ROCK2: variants seen among roughly 807,000 people sequenced by gnomAD.
The protein encoded by ROCK2 is Rho associated coiled-coil containing protein kinase 2, also known as rho-associated protein kinase 2.
Under a neutral mutation model 195.1 loss-of-function variants are expected in ROCK2, and 61 were observed. The ratio of observed to expected loss-of-function variants is 0.31; its 90% CI spans 0.25 to 0.39. The LOEUF is 0.39. Among genes scored for constraint, ROCK2 ranks in the 10% least tolerant of loss-of-function variants. ROCK2 has a pLI of 1.00. For missense variants in ROCK2, 1,109 were observed against 1,637.4 expected (o/e 0.68, Z 5.57); for synonymous variants, 504 against 545.5 (o/e 0.92, Z 1.06).
chr2:11,285,884 A>C (rs1384129395), intron 3 of ROCK2, among the ~76,000 whole-genome samples: 1 of 152,094 alleles, frequency 6.6e-6, no homozygotes, highest in East Asian at 1.9e-4. Flanking sequence ...AGGAAAAAAA[A>C]GTCTATCATG....
intron 6 of ROCK2, among the ~76,000 whole-genome samples, chr2:11,225,367 G>T (rs1664776163): frequency 6.6e-6 from 1 of 152,032 alleles, no homozygotes; most frequent in Admixed American, 6.6e-5. Context: ...AATGTCTTCA[G>T]GTAGTTATTT....
intron 4 of ROCK2, 52 bp from the exon 5 acceptor site, chr2:11,236,014 A>G: frequency 7.0e-7 from 1 of 1,421,086 alleles, no homozygotes; most frequent in Non-Finnish European, 9.3e-7. Context: ...ACCAAAAATC[A>G]TAATCAGAAC....
At position 11,271,293 on chromosome 2, in the gene ROCK2, T is replaced by C. The variant is rs377237825; in HGVS notation, c.324+15246A>G. On this transcript the variant is annotated intron_variant, in intron 3 of 32. Transcript: ENST00000315872. ...TCACTGTGAGACTCTGGTTGAGCTC[T>C]TGGATATAAAATCTGTAAAGGTGTG... 1.7e-4 allele frequency among the ~76,000 whole-genome samples: 26 copies of C among 152,344 alleles called. 1 individual carries two copies. Among genetic ancestry groups the C allele is most frequent in the African/African-American group, 6.0e-4 (25 of 41,576 alleles).
chr2:11,312,429 CCT>C (rs748576937), intron 1 of ROCK2, among the ~76,000 whole-genome samples: 10 of 151,984 alleles, frequency 6.6e-5, no homozygotes, highest in African/African-American at 1.9e-4. Context: ...TAAAAATCCC[CCT>C]CTCCTGCCCC....
intron 4 of ROCK2, among the ~76,000 whole-genome samples, chr2:11,238,322 C>T (rs2044758): frequency 0.84 from 127,627 of 151,446 alleles, 54,503 homozygotes; most frequent in East Asian, 0.99. Context: ...CTCATGTACA[C>T]GGATTGGAAG....
At chr2:11,345,156 C>T (rs1669265818), upstream of ROCK2, among the ~76,000 whole-genome samples, 1 of 152,214 alleles carries the variant, frequency 6.6e-6, no homozygotes, top group African/African-American at 2.4e-5. Flanking sequence ...TCGAGGCGAG[C>T]CTGAGAGGGG....
chr2:11,311,631 T>G (rs185217615), intron 1 of ROCK2, among the ~76,000 whole-genome samples: 172 of 152,264 alleles, frequency 1.1e-3, no homozygotes, highest in African/African-American at 3.8e-3. Context: ...GAAGAAAACG[T>G]AAATCCTCCT....
chr2:11,214,052 G>A (rs1664339812), intron 17 of ROCK2, among the ~76,000 whole-genome samples: 1 of 152,074 alleles, frequency 6.6e-6, no homozygotes, highest in Non-Finnish European at 1.5e-5. Context: ...TTTATATATG[G>A]CATTTTTAAG....
chr2:11,198,877 A>C (rs377270229), intron 23 of ROCK2, 103 bp from the exon 24 acceptor site: 20 of 562,670 alleles, frequency 3.6e-5, no homozygotes, highest in Middle Eastern at 5.0e-4. Flanking sequence ...TAAACCTCTT[A>C]TTTTTCTTTT....
chr2:11,297,709 T>C (rs1667579734), intron 1 of ROCK2, among the ~76,000 whole-genome samples: 1 of 152,184 alleles, frequency 6.6e-6, no homozygotes, highest in Non-Finnish European at 1.5e-5. Context: ...ATACATGTTG[T>C]TAAGTCTATA....
intron 1 of ROCK2, among the ~76,000 whole-genome samples, chr2:11,328,666 C>T (rs893023794): frequency 7.9e-5 from 12 of 152,040 alleles, no homozygotes; most frequent in Admixed American, 1.3e-4. Context: ...TGGAACCAAC[C>T]CAAATGTCCA....
At chr2:11,312,006 TGAA>T (rs1038324186) in intron 1 of ROCK2, among the ~76,000 whole-genome samples, 45 of 152,288 alleles carry the variant, frequency 3.0e-4, no homozygotes, top group African/African-American at 1.0e-3. Context: ...ACTGATGACA[TGAA>T]GAAGCAGATG....
At chr2:11,188,938 A>G (rs1010430005) in intron 32 of ROCK2, among the ~76,000 whole-genome samples, 2 of 150,802 alleles carry the variant, frequency 1.3e-5, no homozygotes, top group Non-Finnish European at 3.0e-5. Context: ...CAGAAGGCTG[A>G]GGCAGGAGAA....
At chr2:11,271,191 C>T (rs910870487) in intron 3 of ROCK2, among the ~76,000 whole-genome samples, 2 of 152,202 alleles carry the variant, frequency 1.3e-5, no homozygotes, top group African/African-American at 4.8e-5. Context: ...TGTTAAGAAG[C>T]AAATGCTGTG....
intron 5 of ROCK2, among the ~76,000 whole-genome samples, chr2:11,233,788 A>C (rs1480529355): frequency 1.3e-5 from 2 of 152,222 alleles, no homozygotes; most frequent in African/African-American, 4.8e-5. Flanking sequence ...CTATACTAAT[A>C]ATCTGCAAAA....
intron 1 of ROCK2, among the ~76,000 whole-genome samples, chr2:11,326,644 T>G (rs1294876770): frequency 6.6e-6 from 1 of 152,194 alleles, no homozygotes; most frequent in Non-Finnish European, 1.5e-5. Flanking sequence ...GGTATTTTGG[T>G]TGTTTTATGA....
intron 1 of ROCK2, among the ~76,000 whole-genome samples, chr2:11,297,621 CT>C (rs1215790587): frequency 6.6e-6 from 1 of 151,822 alleles, no homozygotes; most frequent in Non-Finnish European, 1.5e-5. Flanking sequence ...GAAAAACTAA[CT>C]TTTTTTTCCC....
intron 4 of ROCK2, among the ~76,000 whole-genome samples, chr2:11,247,603 T>C (rs1381653309): frequency 1.3e-5 from 2 of 152,250 alleles, no homozygotes; most frequent in Non-Finnish European, 2.9e-5. Context: ...ATAGCAGAAT[T>C]AAAGATCAAA....
rs146658334 is a variant in ROCK2 at position 11,207,486 on chromosome 2, C to T, written c.2549+240G>A. ...TGAAAATCCCAGATATTTTCTTCTG[C>T]CTCATCACCAACACTTCCTCTATCA... On this transcript the variant is annotated intron_variant, in intron 20 of 32. Transcript: ENST00000315872. Among the ~76,000 whole-genome samples the T allele has an allele frequency of 7.1e-3, 1,084 of 152,268 alleles. 15 individuals carry two copies. The highest frequency in any genetic ancestry group is 0.025 in the African/African-American group (1,032 of 41,536).
Sources: allele counts gnomAD v4.1 joint callset (sites outside exome capture counted in the v4.1 genomes callset), GRCh38; gene constraint gnomAD v4.1.1; transcripts MANE v1.5; gene names NCBI Gene and HGNC (gene_info 2026-07-23, HGNC 2026-07-21).